CACNA2D1: variants seen among roughly 807,000 people sequenced by gnomAD.
CACNA2D1 encodes calcium voltage-gated channel auxiliary subunit alpha2delta 1.
In CACNA2D1, 53 loss-of-function variants were observed where a neutral mutation model predicts 171.5. That is an observed-to-expected ratio of 0.31 (90% CI 0.25 to 0.39). The LOEUF (loss-of-function observed/expected upper bound fraction) is 0.39. CACNA2D1 is among the 10% of genes least tolerant of loss of function. The pLI, the probability that CACNA2D1 is intolerant of heterozygous loss-of-function variation, is 1.00. For synonymous variants in CACNA2D1, 442 were observed against 443.1 expected, an observed-to-expected ratio of 1.00 and a Z score of 0.03; for missense variants, 903 against 1,299.8, an observed-to-expected ratio of 0.69 and a Z score of 4.69.
intron 3 of CACNA2D1, among the ~76,000 whole-genome samples, chr7:82,263,102 C>CA (rs1554487349): frequency 9.3e-6 from 1 of 108,026 alleles, no homozygotes; most frequent in Non-Finnish European, 1.8e-5. Context: ...CATAACACCA[C>CA]TTTTTTTTTT....
chr7:81,956,455 C>T (rs1022305960), intron 38 of CACNA2D1, among the ~76,000 whole-genome samples: 9 of 152,056 alleles, frequency 5.9e-5, no homozygotes, highest in Non-Finnish European at 1.3e-4. Context: ...AATTTGATTA[C>T]ACTTTTCTTG....
intron 3 of CACNA2D1, among the ~76,000 whole-genome samples, chr7:82,250,884 A>T (rs1345613986): frequency 6.6e-6 from 1 of 152,122 alleles, no homozygotes; most frequent in African/African-American, 2.4e-5. Context: ...AAAATCACTT[A>T]CAGTTTGCCA....
At chr7:82,211,414 G>A (rs1322404488) in intron 3 of CACNA2D1, among the ~76,000 whole-genome samples, 1 of 152,012 alleles carries the variant, frequency 6.6e-6, no homozygotes, top group Non-Finnish European at 1.5e-5. Flanking sequence ...TTGTGTCCAT[G>A]TGTACACAAT....
rs1055138429 is a variant in CACNA2D1, at chr7:82,266,984, A to G, written c.294+68151T>C. Among the ~76,000 whole-genome samples the G allele has an allele frequency of 3.9e-5, 6 of 152,340 alleles. No individual in the cohort carries two copies. In the South Asian group the frequency reaches 6.2e-4, roughly 16 times the overall value. On this transcript the variant is annotated intron_variant, in intron 3 of 38. Transcript: ENST00000356860. ...ACTTCTGAAAAATTTTTATCCATCA[A>G]AAAATCTATTGGACTCTATGCAAAA...
At chr7:82,060,715 C>CT (rs893529393) in intron 9 of CACNA2D1, among the ~76,000 whole-genome samples, 188 bp from the exon 10 acceptor site, 1 of 151,748 alleles carries the variant, frequency 6.6e-6, no homozygotes, top group African/African-American at 2.4e-5. Flanking sequence ...GAAATCCTGC[C>CT]TTTTTTTCCT....
At chr7:82,171,194 C>A (rs926561782) in intron 3 of CACNA2D1, among the ~76,000 whole-genome samples, 7 of 152,040 alleles carry the variant, frequency 4.6e-5, no homozygotes, top group Admixed American at 4.6e-4. Flanking sequence ...ATCGTGTATG[C>A]TAAAGTAGTT....
chr7:81,995,350 T>C (rs550546559), intron 19 of CACNA2D1, among the ~76,000 whole-genome samples: 1 of 152,260 alleles, frequency 6.6e-6, no homozygotes, highest in Admixed American at 6.5e-5. Context: ...GAGAAAAATA[T>C]TTTTAAGAGG....
intron 3 of CACNA2D1, among the ~76,000 whole-genome samples, chr7:82,199,859 T>C (rs1034481852): frequency 1.3e-5 from 2 of 152,094 alleles, no homozygotes; most frequent in Non-Finnish European, 1.5e-5. Flanking sequence ...CAAATTGTAG[T>C]ATATTCATAT....
chr7:82,040,497 G>C (rs1803824739), intron 10 of CACNA2D1, among the ~76,000 whole-genome samples: 1 of 142,016 alleles, frequency 7.0e-6, no homozygotes, highest in Non-Finnish European at 1.5e-5. Context: ...AAAAAAAATG[G>C]TTTAAAGCCA....
At chr7:82,162,434 G>A (rs553947034) in intron 4 of CACNA2D1, among the ~76,000 whole-genome samples, 2 of 152,118 alleles carry the variant, frequency 1.3e-5, no homozygotes, top group African/African-American at 4.8e-5. Flanking sequence ...AAGGTTGTAA[G>A]TTGATGAGAC....
intron 38 of CACNA2D1, among the ~76,000 whole-genome samples, chr7:81,954,488 T>G (rs1337858565): frequency 2.0e-5 from 3 of 152,082 alleles, no homozygotes; most frequent in Non-Finnish European, 4.4e-5. Context: ...AAAGTTTTCT[T>G]CATACAGCAT....
At chr7:82,089,236 T>TA (rs1810844648) in intron 6 of CACNA2D1, among the ~76,000 whole-genome samples, 1 of 152,070 alleles carries the variant, frequency 6.6e-6, no homozygotes, top group Non-Finnish European at 1.5e-5. Flanking sequence ...AGTACATGAG[T>TA]GTTCAATATT....
intron 1 of CACNA2D1, among the ~76,000 whole-genome samples, chr7:82,440,822 T>TA (rs199734338): frequency 0.019 from 2,931 of 151,350 alleles, 45 homozygotes; most frequent in Non-Finnish European, 0.029. Flanking sequence ...TCTATATTTT[T>TA]AAAAAAAAAC....
chr7:82,314,779 T>C (rs919799520), intron 3 of CACNA2D1, among the ~76,000 whole-genome samples: 1 of 152,068 alleles, frequency 6.6e-6, no homozygotes, highest in Non-Finnish European at 1.5e-5. Flanking sequence ...TATTTTAATA[T>C]GATACAAAAA....
chr7:82,335,989 T>A (rs567258693), intron 2 of CACNA2D1, among the ~76,000 whole-genome samples: 4 of 152,164 alleles, frequency 2.6e-5, no homozygotes, highest in African/African-American at 9.6e-5. Context: ...CTGTACACAC[T>A]CAGCAGGAGA....
At chr7:82,007,642 C>A in intron 16 of CACNA2D1, 37 bp downstream of exon 16, 1 of 1,049,132 alleles carries the variant, frequency 9.5e-7, no homozygotes, top group South Asian at 1.3e-5. Flanking sequence ...CACAGTTTGT[C>A]ATTTATTATT....
intron 3 of CACNA2D1, among the ~76,000 whole-genome samples, chr7:82,237,983 A>G (rs772788840): frequency 6.6e-6 from 1 of 151,866 alleles, no homozygotes; most frequent in African/African-American, 2.4e-5. Flanking sequence ...GTTACACAAT[A>G]TTTTTTTCCA....
At chr7:82,067,011 T>C (rs1169456670) in intron 7 of CACNA2D1, among the ~76,000 whole-genome samples, 6 of 152,168 alleles carry the variant, frequency 3.9e-5, no homozygotes, top group Non-Finnish European at 8.8e-5. Flanking sequence ...AGGTCAGCTA[T>C]AATTAAAACA....
At chr7:81,985,362 C>T (rs1375587201) in intron 21 of CACNA2D1, among the ~76,000 whole-genome samples, 1 of 151,926 alleles carries the variant, frequency 6.6e-6, no homozygotes, top group Non-Finnish European at 1.5e-5. Flanking sequence ...CCACCACGCC[C>T]AGCTAATGTT....
Sources: gnomAD v4.1 joint callset for allele counts (sites outside exome capture counted in the v4.1 genomes callset) on GRCh38, gnomAD v4.1.1 for gene constraint, MANE v1.5 for transcripts, NCBI Gene and HGNC (gene_info 2026-07-23, HGNC 2026-07-21) for gene names.